Variants in FBXW4 observed in about 807,000 individuals in gnomAD.
FBXW4 encodes the protein F-box and WD repeat domain containing 4.
In FBXW4, 40 loss-of-function variants were observed where a neutral mutation model predicts 61.8. That is an observed-to-expected ratio of 0.65 (90% CI 0.50 to 0.84). FBXW4 has a LOEUF of 0.84. FBXW4 is among the 40% of genes least tolerant of loss of function. FBXW4 has a pLI of 0.00. For missense variants in FBXW4, 672 were observed against 753.8 expected, an observed-to-expected ratio of 0.89 and a Z score of 1.27; for synonymous variants, 311 against 313.8, an observed-to-expected ratio of 0.99 and a Z score of 0.10.
intron 6 of FBXW4, among the ~76,000 whole-genome samples, chr10:101,620,433 C>T (rs1589740786): frequency 6.6e-6 from 1 of 152,200 alleles, no homozygotes; most frequent in Non-Finnish European, 1.5e-5. Flanking sequence ...CTTGGTCCTC[C>T]AAGCTTCTCT....
intron 1 of FBXW4, among the ~76,000 whole-genome samples, chr10:101,686,437 G>A (rs1027692591): frequency 6.6e-6 from 1 of 152,080 alleles, no homozygotes; most frequent in African/African-American, 2.4e-5. Flanking sequence ...TTTTGGAAAG[G>A]CTGATCTAGT....
chr10:101,637,998 CTGTT>C (rs1214888096), intron 5 of FBXW4, among the ~76,000 whole-genome samples: 1 of 152,154 alleles, frequency 6.6e-6, no homozygotes, highest in African/African-American at 2.4e-5. Context: ...ATTGTACACA[CTGTT>C]TGCGGGTATA....
rs140001507 is a variant in FBXW4 at position 101,644,953 on chromosome 10, G to A, written c.1236-20143C>T. Among the ~76,000 whole-genome samples the A allele has an allele frequency of 7.6e-4, 116 of 152,326 alleles. No individual in the cohort carries two copies. The Middle Eastern group carries it at 0.014, about 18-fold the overall frequency. The stretch of plus-strand genomic sequence containing the variant: ...GGGGCAATCATGGCCATGGGCTGTA[G>A]GAGCAGTTTGGCACATGGTTTGTAG... On this transcript the variant is annotated intron_variant, in intron 5 of 8. Transcript: ENST00000331272.
intron 1 of FBXW4, among the ~76,000 whole-genome samples, chr10:101,681,578 G>C (rs960135498): frequency 6.7e-6 from 1 of 150,268 alleles, no homozygotes; most frequent in Non-Finnish European, 1.5e-5. Context: ...TTAGCCAGGC[G>C]TGGTGGCGGG....
chr10:101,653,466 C>A (rs1407150229), intron 5 of FBXW4, among the ~76,000 whole-genome samples: 2 of 152,186 alleles, frequency 1.3e-5, no homozygotes, highest in East Asian at 3.9e-4. Context: ...ACTCTGAACT[C>A]CCAAACCTAC....
intron 1 of FBXW4, among the ~76,000 whole-genome samples, chr10:101,686,490 G>A (rs1188471918): frequency 6.6e-6 from 1 of 151,158 alleles, no homozygotes; most frequent in Admixed American, 6.6e-5. Context: ...GCGGATTTTT[G>A]GGGGGCAGGG....
intron 1 of FBXW4, among the ~76,000 whole-genome samples, chr10:101,689,954 C>T (rs2064576490): frequency 6.6e-6 from 1 of 152,140 alleles, no homozygotes; most frequent in Admixed American, 6.5e-5. Flanking sequence ...TAATTCCAGG[C>T]AAATCTATCA....
chr10:101,694,998 T>C lies in FBXW4; in HGVS notation c.108A>G (p.Arg36=). ...LQEGRVARGK[R]RKGKGKGKAR... The stretch of plus-strand genomic sequence containing the variant: ...CTTTTCCCTTCCCCTTCCCCTTCCT[T>C]CGCTTCCCCCTCGCCACCCTCCCTT... The change falls in exon 1 of 9, where the codon CGA becomes CGG. Residue 36 remains arginine, a synonymous_variant. Coordinates refer to ENST00000331272, the MANE Select transcript of FBXW4 (RefSeq NM_022039.4). This position sits in a 1 kb window ranked among gnomAD's most constrained non-coding sequence, Gnocchi z 6.0. 1.8e-6 allele frequency: 2 copies of C among 1,105,512 alleles called. No homozygotes were observed. The highest frequency in any genetic ancestry group is 2.2e-6 in the Non-Finnish European group (2 of 906,380). The allele number at this position is 1,105,512 out of a possible 1,614,324, so 68.5% of individuals were successfully genotyped here.
chr10:101,653,838 C>T (rs889167855), intron 5 of FBXW4, among the ~76,000 whole-genome samples: 4 of 152,012 alleles, frequency 2.6e-5, no homozygotes, highest in African/African-American at 7.2e-5. Flanking sequence ...GACAGGCACT[C>T]GGGGCCAGGC....
intron 5 of FBXW4, among the ~76,000 whole-genome samples, chr10:101,663,668 T>C (rs369800083): frequency 6.6e-6 from 1 of 151,688 alleles, no homozygotes; most frequent in Admixed American, 6.6e-5. Flanking sequence ...CCCTTCTGTG[T>C]TACTCTTGGG....
chr10:101,693,977 C>T (rs1352525401), intron 1 of FBXW4, among the ~76,000 whole-genome samples: 1 of 152,170 alleles, frequency 6.6e-6, no homozygotes, highest in Non-Finnish European at 1.5e-5. Flanking sequence ...TGATAGACCA[C>T]TTAAGGAACC....
At chr10:101,629,728 C>T (rs2134825778) in intron 5 of FBXW4, among the ~76,000 whole-genome samples, 1 of 151,796 alleles carries the variant, frequency 6.6e-6, no homozygotes, top group South Asian at 2.1e-4. Context: ...CCACCCCTCG[C>T]CCAGAAGTTC....
At chr10:101,669,099 G>GA (rs2064334429) in intron 4 of FBXW4, among the ~76,000 whole-genome samples, 1 of 152,066 alleles carries the variant, frequency 6.6e-6, no homozygotes, top group African/African-American at 2.4e-5. Context: ...AGGAGAAAGT[G>GA]TTTTTTAGAG....
intron 6 of FBXW4, among the ~76,000 whole-genome samples, chr10:101,620,997 T>C (rs1369563895): frequency 2.0e-5 from 3 of 152,208 alleles, no homozygotes; most frequent in African/African-American, 7.2e-5. Context: ...ACATTTGAGA[T>C]GATGCTGGGT....
At chr10:101,660,232 A>C in intron 5 of FBXW4, 1 of 976,534 alleles carries the variant, frequency 1.0e-6, no homozygotes, top group Non-Finnish European at 1.2e-6. Context: ...TACCTCCAAA[A>C]CTCCAGCTCC....
rs1306473217 is a variant in FBXW4 at position 101,694,586 on chromosome 10, C to A, written c.520G>T (p.Ala174Ser). Reference protein sequence around the residue: ...EEEEEAARESAARPAAGPALW... With the variant: ...EEEEEAARESSARPAAGPALW... ...GCAGGCCCCGCGGCCGGGCGGGCAG[C>A]CGACTCCCGAGCCGCCTCCTCCTCC... Residue 174 changes from alanine to serine, a missense_variant, in exon 1 of 9, where the codon GCT becomes TCT. Coordinates refer to ENST00000331272, the MANE Select transcript of FBXW4 (RefSeq NM_022039.4). This position sits in a 1 kb window ranked among gnomAD's most constrained non-coding sequence, Gnocchi z 6.0. 2 of 1,458,322 alleles carry A rather than the reference C, an allele frequency of 1.4e-6. No homozygotes were observed. Among genetic ancestry groups the A allele is most frequent in the Non-Finnish European group, 1.8e-6 (2 of 1,115,122 alleles). 90.3% of individuals were successfully genotyped at this position (1,458,322 alleles called of 1,614,324 possible).
At chr10:101,651,544 G>A (rs1223903630) in intron 5 of FBXW4, among the ~76,000 whole-genome samples, 2 of 152,142 alleles carry the variant, frequency 1.3e-5, no homozygotes, top group Non-Finnish European at 2.9e-5. Context: ...GGAGGCAGCA[G>A]CTTGGACAAT....
intron 5 of FBXW4, among the ~76,000 whole-genome samples, chr10:101,656,256 T>G (rs913402233): frequency 2.6e-5 from 4 of 152,074 alleles, no homozygotes; most frequent in Non-Finnish European, 5.9e-5. Context: ...GCCAACATAA[T>G]CAAAGTGGTG....
chr10:101,636,871 G>A (rs983680060), intron 5 of FBXW4, among the ~76,000 whole-genome samples: 2 of 152,200 alleles, frequency 1.3e-5, no homozygotes, highest in African/African-American at 4.8e-5. Flanking sequence ...TTACAGGCAT[G>A]AGCCACTGCA....
Sources: allele counts gnomAD v4.1 joint callset (sites outside exome capture counted in the v4.1 genomes callset), GRCh38; gene constraint gnomAD v4.1.1; non-coding constraint Gnocchi (gnomAD v3.1); transcripts MANE v1.5; gene names NCBI Gene and HGNC (gene_info 2026-07-23, HGNC 2026-07-21).